BMPR1A: variants seen among roughly 807,000 people sequenced by gnomAD.
BMPR1A encodes the protein bone morphogenetic protein receptor type 1A.
A neutral mutation model predicts 66.0 loss-of-function variants in BMPR1A; 7 were observed. The observed-to-expected ratio is 0.11, with a 90% CI of 0.06 to 0.20. BMPR1A has a LOEUF of 0.20. Ranked by LOEUF, BMPR1A falls within the 10% of genes least tolerant of loss-of-function variation. The pLI is 1.00. For synonymous variants in BMPR1A, 200 were observed against 229.7 expected (o/e 0.87, Z 1.17); for missense variants, 408 against 669.1 (o/e 0.61, Z 4.31).
At position 86,925,719 on chromosome 10, in the gene BMPR1A, A is replaced by ATTTTTTTTTTTTTTTTTT. The variant is rs1163006358; in HGVS notation, c.*2001_*2002insTTTTTTTTTTTTTTTTTT. 1 of 123,450 alleles carries ATTTTTTTTTTTTTTTTTT rather than the reference A, an allele frequency of 8.1e-6. No homozygotes were observed. Among genetic ancestry groups the ATTTTTTTTTTTTTTTTTT allele is most frequent in the African/African-American group, 5.2e-5 (1 of 19,226 alleles). 7.6% of individuals were successfully genotyped at this position (123,450 alleles called of 1,614,324 possible). ...ACCATAATCTTTAAAATCATTTGTC[A>ATTTTTTTTTTTTTTTTTT]TCTTTTTTTTTTTTTTTTTGAGACG... On this transcript the variant is annotated 3_prime_UTR_variant, in exon 13 of 13. Coordinates refer to ENST00000372037, the MANE Select transcript of BMPR1A (RefSeq NM_004329.3).
rs142216260 is a variant in BMPR1A at position 86,844,332 on chromosome 10, T to TG, written c.-153+5353_-153+5354insG. Reference sequence around the variant, plus strand: ...ATGCTATGTAAGATTTAGTAAAACTTAAGAATGTTTAAAGTATTTCTACAG... The same window carrying TG: ...ATGCTATGTAAGATTTAGTAAAACTTGAAGAATGTTTAAAGTATTTCTACAG... On this transcript the variant is annotated intron_variant, in intron 2 of 12. Transcript: ENST00000372037. Among the ~76,000 whole-genome samples, 664 of 152,334 alleles carry TG rather than the reference T, an allele frequency of 4.4e-3. 9 individuals carry two copies. The highest frequency in any genetic ancestry group is 0.015 in the African/African-American group (628 of 41,570).
intron 1 of BMPR1A, among the ~76,000 whole-genome samples, chr10:86,827,785 C>G (rs1026054352): frequency 6.6e-6 from 1 of 152,150 alleles, no homozygotes; most frequent in South Asian, 2.1e-4. Context: ...TTTAGCTCCA[C>G]CCATCTTTGT....
chr10:86,800,324 T>G (rs1424511801), intron 1 of BMPR1A, among the ~76,000 whole-genome samples: 1 of 152,130 alleles, frequency 6.6e-6, no homozygotes, highest in Non-Finnish European at 1.5e-5. Context: ...CTTCATATAG[T>G]GAGCCGAGGG....
At chr10:86,912,092 T>C in intron 7 of BMPR1A, 148 bp from the exon 8 acceptor site, 1 of 824,966 alleles carries the variant, frequency 1.2e-6, no homozygotes, top group Non-Finnish European at 1.9e-6. Context: ...TCTAGATGTA[T>C]TTAACAGGAT....
rs1388025106 is a variant in BMPR1A at position 86,854,636 on chromosome 10, A to G, written c.-153+15657A>G. 15 of 171,612 alleles carry G rather than the reference A, an allele frequency of 8.7e-5. No individual in the cohort carries two copies. The Admixed American group carries it at 8.8e-4, about 10-fold the overall frequency. The allele number at this position is 171,612 out of a possible 1,614,324, so 10.6% of individuals were successfully genotyped here. On this transcript the variant is annotated intron_variant, in intron 2 of 12. Transcript: ENST00000372037. ...AACACTTCCTGCTCCAAGATTTGCT[A>G]TGATGAGTTTTCCAAATGTTAACGA... is the stretch of plus-strand genomic sequence containing the variant.
At chr10:86,868,258 C>CA (rs1471067609) in intron 2 of BMPR1A, among the ~76,000 whole-genome samples, 1 of 152,196 alleles carries the variant, frequency 6.6e-6, no homozygotes, top group Non-Finnish European at 1.5e-5. Context: ...CAGATACACT[C>CA]AGACAACTCT....
At chr10:86,765,525 A>G (rs571415349) in intron 1 of BMPR1A, among the ~76,000 whole-genome samples, 8 of 149,702 alleles carry the variant, frequency 5.3e-5, no homozygotes, top group Non-Finnish European at 8.9e-5. Context: ...TCTCTCTCCT[A>G]TGAAGCCCTC....
rs750599523 is a variant in BMPR1A, at chr10:86,890,042, A to G, written c.68-20A>G. Reference sequence around the variant, plus strand: ...GCTTTTCAGAAATGATTTACTTACAAATTCCATATTTGAATGCAGGACAGA... The same window carrying G: ...GCTTTTCAGAAATGATTTACTTACAGATTCCATATTTGAATGCAGGACAGA... On this transcript the variant is annotated intron_variant, in intron 3 of 12. Transcript: ENST00000372037. The G allele has an allele frequency of 2.5e-6, 4 of 1,611,786 alleles. No individual in the cohort carries two copies. The highest frequency in any genetic ancestry group is 1.1e-5 in the South Asian group (1 of 90,938).
At chr10:86,811,081 C>T (rs917877254) in intron 1 of BMPR1A, among the ~76,000 whole-genome samples, 3 of 152,186 alleles carry the variant, frequency 2.0e-5, no homozygotes, top group Admixed American at 2.0e-4. Flanking sequence ...CTCTGTTGCC[C>T]TGGCTGGAGT....
intron 1 of BMPR1A, among the ~76,000 whole-genome samples, chr10:86,779,876 A>T (rs547569375): frequency 6.6e-6 from 1 of 152,308 alleles, no homozygotes; most frequent in Admixed American, 6.5e-5. Context: ...TGCTGGGACT[A>T]CAGGTGTGAG....
intron 11 of BMPR1A, among the ~76,000 whole-genome samples, chr10:86,922,950 A>G (rs984764396): frequency 6.6e-6 from 1 of 152,270 alleles, no homozygotes; most frequent in Non-Finnish European, 1.5e-5. Flanking sequence ...CGCCTTTCCT[A>G]AGGGAAGGTC....
At chr10:86,804,556 C>A (rs1841859654) in intron 1 of BMPR1A, among the ~76,000 whole-genome samples, 2 of 152,050 alleles carry the variant, frequency 1.3e-5, no homozygotes, top group Non-Finnish European at 2.9e-5. Flanking sequence ...TTTATAGACC[C>A]TATTTACAAA....
intron 1 of BMPR1A, among the ~76,000 whole-genome samples, chr10:86,760,765 C>A (rs1318591124): frequency 6.6e-6 from 1 of 152,116 alleles, no homozygotes; most frequent in Non-Finnish European, 1.5e-5. Flanking sequence ...GGAACCATTT[C>A]TTTTCCTTTT....
chr10:86,840,206 C>T (rs1386121061), intron 2 of BMPR1A, among the ~76,000 whole-genome samples: 2 of 152,122 alleles, frequency 1.3e-5, no homozygotes, highest in Non-Finnish European at 2.9e-5. Context: ...AAGTGGTCTA[C>T]GCTTACACTT....
At chr10:86,820,859 G>A (rs1279066884) in intron 1 of BMPR1A, among the ~76,000 whole-genome samples, 1 of 151,968 alleles carries the variant, frequency 6.6e-6, no homozygotes, top group African/African-American at 2.4e-5. Flanking sequence ...TTTTTGCAGT[G>A]TTTTAAATAA....
intron 1 of BMPR1A, among the ~76,000 whole-genome samples, chr10:86,796,490 C>T (rs2044290128): frequency 1.4e-5 from 2 of 148,098 alleles, no homozygotes; most frequent in African/African-American, 5.0e-5. Context: ...AATTTAGGCA[C>T]ATTTATTTAT....
chr10:86,889,971 A>G (rs1450250197), intron 3 of BMPR1A, 91 bp from the exon 4 acceptor site: 3 of 1,384,426 alleles, frequency 2.2e-6, no homozygotes, highest in Non-Finnish European at 3.1e-6. Flanking sequence ...TTGTGATAAG[A>G]AAGCTTAACA....
chr10:86,841,373 A>G lies in BMPR1A; in HGVS notation c.-153+2394A>G, dbSNP rs375557386. The stretch of plus-strand genomic sequence containing the variant: ...TAACATCACTGATATGCCCATAATT[A>G]CATACAGCTATAATTTTCAAAAGAA... On this transcript the variant is annotated intron_variant, in intron 2 of 12. Coordinates refer to ENST00000372037, the MANE Select transcript of BMPR1A (RefSeq NM_004329.3). Among the ~76,000 whole-genome samples, 18 of 152,352 alleles carry G rather than the reference A, an allele frequency of 1.2e-4. No individual in the cohort carries two copies. In the East Asian group the frequency reaches 1.3e-3, roughly 11 times the overall value.
At chr10:86,908,751 G>T (rs141131000) in intron 7 of BMPR1A, among the ~76,000 whole-genome samples, 2 of 152,266 alleles carry the variant, frequency 1.3e-5, no homozygotes, top group African/African-American at 4.8e-5. Flanking sequence ...TTGTCCTTAG[G>T]TAGGTTCTGT....
Sources: gnomAD v4.1 joint callset for allele counts (sites outside exome capture counted in the v4.1 genomes callset) on GRCh38, gnomAD v4.1.1 for gene constraint, MANE v1.5 for transcripts, NCBI Gene and HGNC (gene_info 2026-07-23, HGNC 2026-07-21) for gene names.